Variants in TBC1D5 observed in about 807,000 individuals in gnomAD.
TBC1D5 encodes TBC1 domain family, member 5.
TBC1D5 carries 75 observed loss-of-function variants against 100.3 expected under a neutral mutation model. That is an observed-to-expected ratio of 0.75 (90% CI 0.62 to 0.91). TBC1D5 has a LOEUF of 0.91. Ranked by LOEUF, TBC1D5 falls within the 40% of genes least tolerant of loss-of-function variation. The pLI is 0.00. For missense variants in TBC1D5, 910 were observed against 942.4 expected, an observed-to-expected ratio of 0.97 and a Z score of 0.45; for synonymous variants, 323 against 325.6, an observed-to-expected ratio of 0.99 and a Z score of 0.09.
chr3:17,254,156 C>T (rs2077421829), intron 16 of TBC1D5, among the ~76,000 whole-genome samples: 1 of 152,158 alleles, frequency 6.6e-6, no homozygotes, highest in African/African-American at 2.4e-5. Context: ...ATGAATAAGG[C>T]TGCTGTGAAT....
chr3:17,227,813 T>A (rs1469551727), intron 17 of TBC1D5, among the ~76,000 whole-genome samples: 4 of 150,994 alleles, frequency 2.6e-5, no homozygotes, highest in Admixed American at 6.6e-5. Flanking sequence ...TTTACCTATA[T>A]AACAAGCCTG....
At chr3:17,246,792 T>A (rs1006202020) in intron 16 of TBC1D5, among the ~76,000 whole-genome samples, 2 of 152,194 alleles carry the variant, frequency 1.3e-5, no homozygotes, top group Non-Finnish European at 2.9e-5. Context: ...AACTTTTAGA[T>A]GAAAACAAGA....
intron 2 of TBC1D5, among the ~76,000 whole-genome samples, chr3:17,565,204 A>C (rs568633348): frequency 6.6e-6 from 1 of 152,140 alleles, no homozygotes; most frequent in Non-Finnish European, 1.5e-5. Context: ...CAATCCTACA[A>C]TCATCTTTTC....
At chr3:17,730,125 T>G (rs1197638442) in intron 1 of TBC1D5, among the ~76,000 whole-genome samples, 1 of 151,856 alleles carries the variant, frequency 6.6e-6, no homozygotes, top group South Asian at 2.1e-4. Flanking sequence ...AAAAAAAAAA[T>G]TATACTTAAT....
chr3:17,478,547 A>G (rs1327709451), intron 3 of TBC1D5, among the ~76,000 whole-genome samples: 1 of 152,204 alleles, frequency 6.6e-6, no homozygotes, highest in Non-Finnish European at 1.5e-5. Flanking sequence ...CTAAATATTT[A>G]GTTCTTTTAA....
chr3:17,532,738 A>G (rs1056429744), intron 2 of TBC1D5, among the ~76,000 whole-genome samples: 1 of 152,026 alleles, frequency 6.6e-6, no homozygotes, highest in African/African-American at 2.4e-5. Context: ...TCGCAAGGAC[A>G]AAAAACCAAA....
intron 2 of TBC1D5, among the ~76,000 whole-genome samples, chr3:17,533,708 A>G (rs2096255757): frequency 6.6e-6 from 1 of 152,168 alleles, no homozygotes. Flanking sequence ...TGAATTACAA[A>G]AGACAACCTT....
chr3:17,213,036 G>C (rs1002487005), intron 18 of TBC1D5, among the ~76,000 whole-genome samples: 1 of 152,114 alleles, frequency 6.6e-6, no homozygotes, highest in Non-Finnish European at 1.5e-5. Flanking sequence ...CTCGCCCAGA[G>C]CCACTTCCAG....
intron 1 of TBC1D5, among the ~76,000 whole-genome samples, chr3:17,683,701 C>CT (rs1263646766): frequency 6.6e-6 from 1 of 152,164 alleles, no homozygotes; most frequent in Non-Finnish European, 1.5e-5. Flanking sequence ...AGCCCCACCA[C>CT]TTTCAGCTGT....
chr3:17,231,872 C>T (rs2148899527), intron 17 of TBC1D5, among the ~76,000 whole-genome samples: 1 of 152,198 alleles, frequency 6.6e-6, no homozygotes, highest in South Asian at 2.1e-4. Flanking sequence ...GATACAATCT[C>T]TGCTAGGGTA....
At chr3:17,600,830 G>C (rs1305684991) in intron 2 of TBC1D5, among the ~76,000 whole-genome samples, 2 of 152,068 alleles carry the variant, frequency 1.3e-5, no homozygotes, top group African/African-American at 4.8e-5. Context: ...GACCGGGCGG[G>C]GGAAAAAAAC....
chr3:17,600,550 A>T (rs1277844209), intron 2 of TBC1D5, among the ~76,000 whole-genome samples: 1 of 152,228 alleles, frequency 6.6e-6, no homozygotes, highest in Admixed American at 6.5e-5. Context: ...ATGTTTAAAA[A>T]TAATAATATT....
At chr3:17,406,947 C>T (rs781445226) in intron 4 of TBC1D5, among the ~76,000 whole-genome samples, 2 of 151,904 alleles carry the variant, frequency 1.3e-5, no homozygotes, top group Non-Finnish European at 2.9e-5. Flanking sequence ...TTAAATGATC[C>T]GATTTCTCTT....
At chr3:17,438,411 G>A (rs188816101) in intron 3 of TBC1D5, among the ~76,000 whole-genome samples, 3 of 152,222 alleles carry the variant, frequency 2.0e-5, no homozygotes, top group Admixed American at 2.0e-4. Flanking sequence ...AGGACCAGGT[G>A]GAGATTACTG....
intron 2 of TBC1D5, among the ~76,000 whole-genome samples, chr3:17,585,707 A>G (rs1268923141): frequency 6.6e-6 from 1 of 152,224 alleles, no homozygotes; most frequent in Non-Finnish European, 1.5e-5. Context: ...GAAACTGCAT[A>G]AGTGACACAT....
intron 13 of TBC1D5, among the ~76,000 whole-genome samples, chr3:17,314,479 C>G (rs534164851): frequency 6.6e-6 from 1 of 152,100 alleles, no homozygotes; most frequent in Non-Finnish European, 1.5e-5. Flanking sequence ...AGGAACCTTC[C>G]CCTTTCATTT....
At chr3:17,630,877 T>C (rs954548505) in intron 1 of TBC1D5, among the ~76,000 whole-genome samples, 1 of 43,314 alleles carries the variant, frequency 2.3e-5, no homozygotes, top group Admixed American at 2.6e-4. Flanking sequence ...CTACTAAAAA[T>C]ACAAAAAAAA....
chr3:17,537,082 T>C (rs1489512158), intron 2 of TBC1D5, among the ~76,000 whole-genome samples: 1 of 152,228 alleles, frequency 6.6e-6, no homozygotes, highest in East Asian at 1.9e-4. Context: ...GGCTTTGCAG[T>C]GCCATTTCAA....
intron 3 of TBC1D5, among the ~76,000 whole-genome samples, chr3:17,453,000 A>G (rs1276851887): frequency 6.6e-6 from 1 of 151,998 alleles, no homozygotes; most frequent in Non-Finnish European, 1.5e-5. Context: ...AATCAATAAC[A>G]AGAGGAATTT....
Sources: allele counts gnomAD v4.1 joint callset (sites outside exome capture counted in the v4.1 genomes callset), GRCh38; gene constraint gnomAD v4.1.1; transcripts MANE v1.5; gene names NCBI Gene and HGNC (gene_info 2026-07-23, HGNC 2026-07-21).